The following CELSR1 variants were observed in gnomAD, a reference collection of about 807,000 sequenced individuals.
CELSR1 encodes the protein cadherin EGF LAG seven-pass G-type receptor 1.
In CELSR1, 110 loss-of-function variants were observed where a neutral mutation model predicts 249.1. That is an observed-to-expected ratio of 0.44 (90% CI 0.38 to 0.52). CELSR1 has a LOEUF of 0.52. Ranked by LOEUF, CELSR1 falls within the 20% of genes least tolerant of loss-of-function variation. The pLI, the probability that CELSR1 is intolerant of heterozygous loss-of-function variation, is 0.00. For synonymous variants in CELSR1, 2,113 were observed against 1,900.0 expected (o/e 1.11, Z -2.92); for missense variants, 4,109 against 4,296.4 (o/e 0.96, Z 1.22).
chr22:46,392,709 A>G (rs1287072122), intron 14 of CELSR1, among the ~76,000 whole-genome samples: 2 of 152,106 alleles, frequency 1.3e-5, no homozygotes, highest in Non-Finnish European at 2.9e-5. Flanking sequence ...GGCAAGCATC[A>G]GCACGCTCAG....
rs118047186 is a variant in CELSR1, at chr22:46,494,402, A to G, written c.3545-30057T>C. On this transcript the variant is annotated intron_variant, in intron 1 of 34. Transcript: ENST00000674500. ...TCTGTACCAATTTGATTGGCACTGC[A>G]CTGAATCTACAGACCAGTCTGGGAA... Among the ~76,000 whole-genome samples, 1,077 of 152,362 alleles carry G rather than the reference A, an allele frequency of 7.1e-3. 5 individuals are homozygous for G. The highest frequency in any genetic ancestry group is 0.011 in the Non-Finnish European group (764 of 68,026).
chr22:46,403,430 G>A (rs551030604), intron 9 of CELSR1, among the ~76,000 whole-genome samples: 2 of 151,058 alleles, frequency 1.3e-5, no homozygotes, highest in Admixed American at 1.3e-4. Flanking sequence ...GGTAGTGGGC[G>A]CCTGTAGTCC....
chr22:46,362,495 G>C lies in CELSR1; in HGVS notation c.*728C>G, dbSNP rs1451674976. Reference sequence around the variant, plus strand: ...GAAGGCAGCTGTAGGGCTTCTAGCCGCTTGGTTTTAGCCCCACTGCTGACG... The same window carrying C: ...GAAGGCAGCTGTAGGGCTTCTAGCCCCTTGGTTTTAGCCCCACTGCTGACG... On this transcript the variant is annotated 3_prime_UTR_variant, in exon 35 of 35. Transcript: ENST00000674500. 6.6e-6 allele frequency: 1 copy of C among 152,546 alleles called. No homozygotes were observed. Among genetic ancestry groups the C allele is most frequent in the Non-Finnish European group, 1.5e-5 (1 of 68,094 alleles). 9.4% of individuals were successfully genotyped at this position (152,546 alleles called of 1,614,324 possible).
chr22:46,372,629 G>C (rs1205352107), intron 25 of CELSR1, among the ~76,000 whole-genome samples: 2 of 151,466 alleles, frequency 1.3e-5, no homozygotes, highest in African/African-American at 4.9e-5. Context: ...TGTCTGTTAA[G>C]TGCTGCAGAA....
At position 46,416,102 on chromosome 22, in the gene CELSR1, C is replaced by CTGG. The variant is rs1230223357; in HGVS notation, c.4612-4344_4612-4343insCCA. 1.6e-5 allele frequency among the ~76,000 whole-genome samples: 2 copies of CTGG among 122,298 alleles called. 1 individual carries two copies. The highest frequency in any genetic ancestry group is 6.6e-5 in the African/African-American group (2 of 30,180). The allele number at this position is 122,298 out of a possible 152,430, so 80.2% of individuals were successfully genotyped here. A position where few individuals can be genotyped will look rare whatever the true frequency, so the allele number is the denominator to read the frequency against. On this transcript the variant is annotated intron_variant, in intron 5 of 34. Transcript: ENST00000674500. The stretch of plus-strand genomic sequence containing the variant: ...AGCTGACGATGAATGGTACAGGTTG[C>CTGG]AGAGGGGGGCGGATAAGGAATGAGA...
chr22:46,380,171 C>T lies in CELSR1; in HGVS notation c.7256+617G>A, dbSNP rs1412805112. The stretch of plus-strand genomic sequence containing the variant: ...CACTCATTTTGCATTTTTCTAACGA[C>T]GAAACGCCTTTCCCTCGCTTGCATG... On this transcript the variant is annotated intron_variant, in intron 22 of 34. Coordinates refer to ENST00000674500, the MANE Select transcript of CELSR1 (RefSeq NM_001378328.1). This position sits in a 1 kb window ranked among gnomAD's most constrained non-coding sequence, Gnocchi z 5.1. Among the ~76,000 whole-genome samples the T allele has an allele frequency of 6.6e-6, 1 of 152,210 alleles. No homozygotes were observed. The highest frequency in any genetic ancestry group is 2.4e-5 in the African/African-American group (1 of 41,442).
chr22:46,396,624 C>G lies in CELSR1; in HGVS notation c.5824G>C (p.Gly1942Arg). The change falls in exon 13 of 35, where the codon GGG becomes CGG. Residue 1942 changes from glycine to arginine, a missense_variant. By Grantham distance (125) the Gly-to-Arg change is moderately radical (BLOSUM62 -2). Around this residue, in one of 7 missense-constraint regions of CELSR1, gnomAD observed 1,805 missense variants for 1,831.6 expected, o/e 0.99. Coordinates refer to ENST00000674500, the MANE Select transcript of CELSR1 (RefSeq NM_001378328.1). The surrounding 1 kb of genome is among the most constrained non-coding windows in gnomAD (Gnocchi z 6.4). ...YVCECGPSHY[G>R]PYCENKLDLP... ...TCTTACTTGTTCTCACAGTACGGCC[C>G]GTAGTGACTGGGCCCACACTCGCAC... 1 of 1,601,742 alleles carries G rather than the reference C, an allele frequency of 6.2e-7. No individual in the cohort carries two copies. Among genetic ancestry groups the G allele is most frequent in the Non-Finnish European group, 8.5e-7 (1 of 1,174,174 alleles).
At chr22:46,460,206 CACA>C (rs1569179909) in intron 2 of CELSR1, among the ~76,000 whole-genome samples, 5 of 55,804 alleles carry the variant, frequency 9.0e-5, no homozygotes, top group African/African-American at 1.4e-4. Flanking sequence ...CACACACACA[CACA>C]CACACACCCA....
chr22:46,387,600 C>A (rs2079046117), intron 18 of CELSR1, among the ~76,000 whole-genome samples: 1 of 151,894 alleles, frequency 6.6e-6, no homozygotes, highest in South Asian at 2.1e-4. Flanking sequence ...CTCAGGCAAT[C>A]TGCCCATCTC....
chr22:46,364,669 C>T lies in CELSR1; in HGVS notation c.8622G>A (p.Glu2874=), dbSNP rs769985789. 2.5e-6 allele frequency: 4 copies of T among 1,612,544 alleles called. No individual in the cohort carries two copies. Among genetic ancestry groups the T allele is most frequent in the Non-Finnish European group, 3.4e-6 (4 of 1,179,916 alleles). The change falls in exon 33 of 35, where the codon GAG becomes GAA. Residue 2874 remains glutamate, a synonymous_variant. Coordinates refer to ENST00000674500, the MANE Select transcript of CELSR1 (RefSeq NM_001378328.1). The part of the protein sequence containing the change: ...PDQSLAESDS[E]DPSGKPRLKV... ...TCAGGCGGGGCTTGCCGCTGGGGTC[C>T]TCACTGTCACTCTCAGCCAGGCTCT...
In CELSR1 at chr22:46,366,980, C is replaced by CG; in HGVS notation, c.8205+12dup. 3 of 1,606,186 alleles carry CG rather than the reference C, an allele frequency of 1.9e-6. No individual in the cohort carries two copies. Among genetic ancestry groups the CG allele is most frequent in the Non-Finnish European group, 2.5e-6 (3 of 1,178,130 alleles). Reference sequence around the variant, plus strand: ...CCAGCCCCCAGTCCCGCGGTGTCCCCGGCGCCTCCTACCGTCAGCAGGGTG... The same window carrying CG: ...CCAGCCCCCAGTCCCGCGGTGTCCCCGGGCGCCTCCTACCGTCAGCAGGGTG... On this transcript the variant is annotated intron_variant, in intron 29 of 34. Transcript: ENST00000674500.
At position 46,427,557 on chromosome 22, in the gene CELSR1, C is replaced by G. The variant is rs529084064; in HGVS notation, c.4611+5836G>C. The stretch of plus-strand genomic sequence containing the variant: ...AAAAATAAAATAAATAAAATACACC[C>G]TACAACTATGGCTTTTAAAATCTAG... On this transcript the variant is annotated intron_variant, in intron 5 of 34. Transcript: ENST00000674500. This position sits in a 1 kb window ranked among gnomAD's most constrained non-coding sequence, Gnocchi z 4.2. Among the ~76,000 whole-genome samples the G allele has an allele frequency of 1.3e-5, 2 of 152,212 alleles. No individual in the cohort carries two copies. The highest frequency in any genetic ancestry group is 3.9e-4 in the East Asian group (2 of 5,176).
In CELSR1 at chr22:46,423,347, G is replaced by A. The variant is rs1168463958; in HGVS notation, c.4611+10046C>T. ...ATGCTGGCCAGGCGCGGTGGCTCAC[G>A]CCTGTAATCCCAGCACTTTGGGAGG... On this transcript the variant is annotated intron_variant, in intron 5 of 34. Transcript: ENST00000674500. The surrounding 1 kb of genome is among the most constrained non-coding windows in gnomAD (Gnocchi z 5.6). 6.6e-6 allele frequency among the ~76,000 whole-genome samples: 1 copy of A among 152,002 alleles called. No individual in the cohort carries two copies. The highest frequency in any genetic ancestry group is 1.5e-5 in the Non-Finnish European group (1 of 68,002).
At position 46,424,513 on chromosome 22, in the gene CELSR1, A is replaced by G. The variant is rs565272424; in HGVS notation, c.4611+8880T>C. On this transcript the variant is annotated intron_variant, in intron 5 of 34. Coordinates refer to ENST00000674500, the MANE Select transcript of CELSR1 (RefSeq NM_001378328.1). Reference sequence around the variant, plus strand: ...TGGAAACACCCTGCAAAAAGATAGTATAATATCAAACCCAGGTACAAACAC... The same window carrying G: ...TGGAAACACCCTGCAAAAAGATAGTGTAATATCAAACCCAGGTACAAACAC... Among the ~76,000 whole-genome samples, 133 of 152,320 alleles carry G rather than the reference A, an allele frequency of 8.7e-4. 1 individual carries two copies. The South Asian group carries it at 0.026, about 30-fold the overall frequency.
chr22:46,453,732 C>G (rs1307294619), intron 2 of CELSR1, among the ~76,000 whole-genome samples: 1 of 152,220 alleles, frequency 6.6e-6, no homozygotes, highest in Admixed American at 6.5e-5. Flanking sequence ...AATTCGGACT[C>G]TCCAGCAGCT....
intron 1 of CELSR1, among the ~76,000 whole-genome samples, chr22:46,465,689 G>A (rs1300318794): frequency 1.3e-5 from 2 of 152,252 alleles, no homozygotes; most frequent in African/African-American, 4.8e-5. Context: ...GGAGGGACCT[G>A]GAGTCAGGTA....
At position 46,536,367 on chromosome 22, in the gene CELSR1, G is replaced by C; in HGVS notation, c.804C>G (p.His268Gln). Residue 268 changes from histidine to glutamine, a missense_variant, in exon 1 of 35, where the codon CAC (histidine) becomes CAG (glutamine). Transcript: ENST00000674500. ...CCTCGCCCTCGATGGTGTAGTGCGC[G>C]TGCAGCTGGAGGATGAGGGTGCCCG... Reference protein sequence around the residue: ...EPAGTLILQLHAHYTIEGEEE... With the variant: ...EPAGTLILQLQAHYTIEGEEE... 2.5e-6 allele frequency: 4 copies of C among 1,612,320 alleles called. No individual in the cohort carries two copies. The highest frequency in any genetic ancestry group is 3.4e-6 in the Non-Finnish European group (4 of 1,179,522).
At position 46,436,146 on chromosome 22, in the gene CELSR1, G is replaced by T; in HGVS notation, c.4522+28C>A. On this transcript the variant is annotated intron_variant, in intron 4 of 34. Transcript: ENST00000674500. The surrounding 1 kb of genome is among the most constrained non-coding windows in gnomAD (Gnocchi z 5.9). The stretch of plus-strand genomic sequence containing the variant: ...ACAAAGTATCTGTGAATTGCTCAGA[G>T]CTGCCCTTCCTGGGGAGAAGGCCCC... 1 of 1,569,872 alleles carries T rather than the reference G, an allele frequency of 6.4e-7. No homozygotes were observed. Among genetic ancestry groups the T allele is most frequent in the Non-Finnish European group, 8.8e-7 (1 of 1,140,344 alleles).
intron 1 of CELSR1, among the ~76,000 whole-genome samples, chr22:46,505,471 A>G (rs2080506421): frequency 6.6e-6 from 1 of 151,790 alleles, no homozygotes; most frequent in Non-Finnish European, 1.5e-5. Context: ...TGGTCTCTAT[A>G]AACAATACAA....
Sources: allele counts gnomAD v4.1 joint callset (sites outside exome capture counted in the v4.1 genomes callset), GRCh38; gene constraint gnomAD v4.1.1; regional missense constraint gnomAD v4.1.1; non-coding constraint Gnocchi (gnomAD v3.1); transcripts MANE v1.5; gene names NCBI Gene and HGNC (gene_info 2026-07-23, HGNC 2026-07-21).